Variants in MAGI2 observed in about 807,000 individuals in gnomAD.
MAGI2 encodes the protein membrane-associated guanylate kinase, WW and PDZ domain-containing protein 2.
A neutral mutation model predicts 133.3 loss-of-function variants in MAGI2; 35 were observed. The ratio of observed to expected loss-of-function variants is 0.26; its 90% confidence interval spans 0.20 to 0.35. The LOEUF (loss-of-function observed/expected upper bound fraction) is 0.35. Ranked by LOEUF, MAGI2 falls within the 10% of genes least tolerant of loss-of-function variation. The probability of loss-of-function intolerance (pLI) is 1.00; values close to 1 mark genes in which losing one functional copy is unlikely to be tolerated. For missense variants in MAGI2, 1,636 were observed against 1,863.4 expected (o/e 0.88, Z 2.25); for synonymous variants, 729 against 710.6 (o/e 1.03, Z -0.41).
intron 3 of MAGI2, among the ~76,000 whole-genome samples, chr7:78,620,996 GA>G (rs1807670723): frequency 6.6e-6 from 1 of 151,960 alleles, no homozygotes; most frequent in African/African-American, 2.4e-5. Context: ...GGCTGAGGAA[GA>G]CAACTGCTGT....
intron 2 of MAGI2, among the ~76,000 whole-genome samples, chr7:78,919,983 C>T (rs1288662003): frequency 2.0e-5 from 3 of 152,004 alleles, no homozygotes; most frequent in African/African-American, 7.2e-5. Flanking sequence ...ATATTTAGAG[C>T]CATCTCTACT....
At chr7:78,970,035 C>T (rs533183380) in intron 2 of MAGI2, among the ~76,000 whole-genome samples, 1 of 152,116 alleles carries the variant, frequency 6.6e-6, no homozygotes, top group East Asian at 1.9e-4. Context: ...CACCATTCCC[C>T]AAGGCTAGTC....
chr7:78,877,630 A>G (rs1425099827), intron 2 of MAGI2, among the ~76,000 whole-genome samples: 1 of 152,180 alleles, frequency 6.6e-6, no homozygotes, highest in Non-Finnish European at 1.5e-5. Context: ...CTCCCACACC[A>G]TCTTGTACTA....
rs140433482 is a variant in MAGI2 at position 78,370,372 on chromosome 7, A to G, written c.1046-1159T>C. Among the ~76,000 whole-genome samples the G allele has an allele frequency of 3.3e-5, 5 of 152,168 alleles. No individual in the cohort carries two copies. In the East Asian group the frequency reaches 9.7e-4, roughly 29 times the overall value. ...ACAATATCATTTTCAAGGTGGCAAC[A>G]GTAGTCGGCAGCACAGCTAGAAGCT... is the stretch of plus-strand genomic sequence containing the variant. On this transcript the variant is annotated intron_variant, in intron 6 of 21. Transcript: ENST00000354212.
chr7:78,810,687 A>T (rs1788971385), intron 2 of MAGI2, among the ~76,000 whole-genome samples: 1 of 152,084 alleles, frequency 6.6e-6, no homozygotes. Flanking sequence ...GATAATGACA[A>T]CATGACTCCC....
rs189341315 is a variant in MAGI2, at chr7:78,630,725, T to C, written c.419-3486A>G. ...CCACTGCGCCCGGCTGTGTGTAACT[T>C]TTTGATTACTCTATATGTAATATGT... is the stretch of plus-strand genomic sequence containing the variant. On this transcript the variant is annotated intron_variant, in intron 2 of 21. Transcript: ENST00000354212. Among the ~76,000 whole-genome samples the C allele has an allele frequency of 2.2e-3, 335 of 152,288 alleles. 1 individual carries two copies. Among genetic ancestry groups the C allele is most frequent in the Middle Eastern group, 0.017 (5 of 294 alleles).
chr7:78,786,103 T>G (rs150201731), intron 2 of MAGI2, among the ~76,000 whole-genome samples: 98 of 151,698 alleles, frequency 6.5e-4, no homozygotes, highest in African/African-American at 2.0e-3. Context: ...GATTCTTCCC[T>G]CTCTGTTAAA....
At chr7:79,225,332 T>C (rs974099239) in intron 1 of MAGI2, among the ~76,000 whole-genome samples, 2 of 152,210 alleles carry the variant, frequency 1.3e-5, no homozygotes, top group African/African-American at 4.8e-5. Flanking sequence ...CACCTTAAAG[T>C]TATGTTTGGA....
intron 1 of MAGI2, among the ~76,000 whole-genome samples, chr7:79,089,139 C>T (rs1200203127): frequency 6.6e-6 from 1 of 151,912 alleles, no homozygotes; most frequent in Non-Finnish European, 1.5e-5. Flanking sequence ...AAAAAATGGG[C>T]AAAGGATATG....
At chr7:78,145,906 T>C (rs1227977279) in intron 16 of MAGI2, among the ~76,000 whole-genome samples, 2 of 151,920 alleles carry the variant, frequency 1.3e-5, no homozygotes, top group African/African-American at 4.8e-5. Context: ...CCTAACTATC[T>C]CCCGAAGGCC....
Position 78,108,739 on chromosome 7 carries a change from TATGTGAGTGTATATACGTGA to T in MAGI2, c.3567+16935_3567+16954del, listed in dbSNP as rs1818983847. 2.8e-5 allele frequency among the ~76,000 whole-genome samples: 4 copies of T among 143,828 alleles called. No individual in the cohort carries two copies. The South Asian group carries it at 9.4e-4, about 34-fold the overall frequency. 94.4% of individuals were successfully genotyped at this position (143,828 alleles called of 152,430 possible). ...ATATATGTGTGTGTATACACACACA[TATGTGAGTGTATATACGTGA>T]GTGTGTGTATATATGTGTTTGTGTG... On this transcript the variant is annotated intron_variant, in intron 20 of 21. Transcript: ENST00000354212.
At chr7:78,295,051 A>G (rs1797093999) in intron 9 of MAGI2, among the ~76,000 whole-genome samples, 1 of 152,162 alleles carries the variant, frequency 6.6e-6, no homozygotes, top group Non-Finnish European at 1.5e-5. Flanking sequence ...TGGCAAAATA[A>G]TGAGCCTCAT....
At chr7:78,913,668 A>T (rs1798581638) in intron 2 of MAGI2, among the ~76,000 whole-genome samples, 1 of 152,116 alleles carries the variant, frequency 6.6e-6, no homozygotes, top group African/African-American at 2.4e-5. Context: ...TTTGTATTTA[A>T]TGTCAGTGTC....
intron 10 of MAGI2, among the ~76,000 whole-genome samples, chr7:78,211,673 G>T (rs1431155655): frequency 6.6e-6 from 1 of 152,164 alleles, no homozygotes; most frequent in Non-Finnish European, 1.5e-5. Flanking sequence ...TGGAATGTTT[G>T]TTCATTTAAT....
chr7:78,299,838 T>A (rs1371803586), intron 9 of MAGI2, among the ~76,000 whole-genome samples: 2 of 152,190 alleles, frequency 1.3e-5, no homozygotes, highest in African/African-American at 4.8e-5. Context: ...TTTGTGGGTA[T>A]TGTATTTAAA....
intron 5 of MAGI2, among the ~76,000 whole-genome samples, chr7:78,497,640 C>T (rs1195120617): frequency 6.6e-6 from 1 of 152,054 alleles, no homozygotes; most frequent in Non-Finnish European, 1.5e-5. Context: ...TAACTCAAAA[C>T]CTATACTGTT....
intron 16 of MAGI2, among the ~76,000 whole-genome samples, chr7:78,154,376 G>C (rs1824179783): frequency 6.6e-6 from 1 of 152,200 alleles, no homozygotes; most frequent in Admixed American, 6.5e-5. Context: ...TCCTGAGCTG[G>C]AGGATTGCGA....
chr7:79,246,856 A>C (rs945876374), intron 1 of MAGI2, among the ~76,000 whole-genome samples: 1 of 152,172 alleles, frequency 6.6e-6, no homozygotes, highest in Non-Finnish European at 1.5e-5. Context: ...AACATTCAAT[A>C]ATCAAACTCC....
intron 1 of MAGI2, among the ~76,000 whole-genome samples, chr7:79,088,670 T>C (rs1816758495): frequency 6.6e-6 from 1 of 152,138 alleles, no homozygotes; most frequent in African/African-American, 2.4e-5. Flanking sequence ...TCTTATTATT[T>C]TGAGATATGT....
Sources: gnomAD v4.1 joint callset for allele counts (sites outside exome capture counted in the v4.1 genomes callset) on GRCh38, gnomAD v4.1.1 for gene constraint, MANE v1.5 for transcripts, NCBI Gene and HGNC (gene_info 2026-07-23, HGNC 2026-07-21) for gene names.